INSR: variants seen among roughly 807,000 people sequenced by gnomAD.
INSR encodes IR.
INSR carries 67 observed loss-of-function variants against 142.6 expected under a neutral mutation model. The ratio of observed to expected loss-of-function variants is 0.47; its 90% CI spans 0.39 to 0.58. INSR has a LOEUF of 0.58. Ranked by LOEUF, INSR falls within the 20% of genes least tolerant of loss-of-function variation. INSR has a pLI of 0.00. For missense variants in INSR, 1,248 were observed against 1,833.2 expected (o/e 0.68, Z 5.83); for synonymous variants, 756 against 743.1 (o/e 1.02, Z -0.28).
At chr19:7,118,002 G>A (rs778738675) in intron 21 of INSR, among the ~76,000 whole-genome samples, 75 of 151,840 alleles carry the variant, frequency 4.9e-4, no homozygotes, top group Non-Finnish European at 9.6e-4. Context: ...GAACTCCTGG[G>A]CTCAAGCCAT....
At chr19:7,149,291 T>C (rs73503005) in intron 11 of INSR, among the ~76,000 whole-genome samples, 7,315 of 152,174 alleles carry the variant, frequency 0.048, 523 homozygotes, top group African/African-American at 0.16. Flanking sequence ...GTATTGCAAA[T>C]GGCCACTAGA....
intron 2 of INSR, among the ~76,000 whole-genome samples, chr19:7,204,467 A>C (rs1199722364): frequency 1.3e-5 from 2 of 152,076 alleles, no homozygotes; most frequent in Admixed American, 1.3e-4. Flanking sequence ...CCGTGTATAT[A>C]CCTCAGACAC....
intron 2 of INSR, among the ~76,000 whole-genome samples, chr19:7,219,887 T>C (rs1307021534): frequency 6.8e-6 from 1 of 147,038 alleles, no homozygotes. Flanking sequence ...ACCTGGATTA[T>C]AGCTTCACAG....
At chr19:7,256,638 C>T (rs1021914039) in intron 2 of INSR, among the ~76,000 whole-genome samples, 6 of 150,590 alleles carry the variant, frequency 4.0e-5, no homozygotes, top group Admixed American at 3.3e-4. Flanking sequence ...GTGGTGCGTG[C>T]CTGGAATTCC....
Position 7,293,847 on chromosome 19 carries a change from C to A in INSR, c.45G>T (p.Leu15=). ...CCAGTAGCAGCGCGGCCACCGCCAC[C>A]AGCAGCGGCGCGGCCGCCGCCCCCC... ...GRRGAAAAPL[L]VAVAALLLGA... Residue 15 remains leucine, a synonymous_variant, in exon 1 of 22, where the codon CTG becomes CTT. Transcript: ENST00000302850. The A allele has an allele frequency of 5.5e-6, 7 of 1,276,376 alleles. No homozygotes were observed. Among genetic ancestry groups the A allele is most frequent in the Non-Finnish European group, 6.9e-6 (7 of 1,017,472 alleles). 79.1% of individuals were successfully genotyped at this position (1,276,376 alleles called of 1,614,324 possible). A position where few individuals can be genotyped will look rare whatever the true frequency, so the allele number is the denominator to read the frequency against.
chr19:7,235,576 G>A (rs369482929), intron 2 of INSR, among the ~76,000 whole-genome samples: 6 of 137,440 alleles, frequency 4.4e-5, no homozygotes, highest in African/African-American at 1.4e-4. Context: ...GGGGCCAGGC[G>A]CTGCAGCTCT....
Position 7,213,989 on chromosome 19 carries a change from C to CA in INSR, c.653-29353dup, listed in dbSNP as rs532464276. On this transcript the variant is annotated intron_variant, in intron 2 of 21. Coordinates refer to ENST00000302850, the MANE Select transcript of INSR (RefSeq NM_000208.4). Reference sequence around the variant, plus strand: ...TAGGTGACAGGGCAAGACTTTGTCTCAAAAAAAAAAAGGAAATGGGATACA... The same window carrying CA: ...TAGGTGACAGGGCAAGACTTTGTCTCAAAAAAAAAAAAGGAAATGGGATACA... 4.8e-3 allele frequency among the ~76,000 whole-genome samples: 678 copies of CA among 140,936 alleles called. 3 individuals are homozygous for CA. The highest frequency in any genetic ancestry group is 5.7e-3 in the Non-Finnish European group (370 of 64,648). 92.5% of individuals were successfully genotyped at this position (140,936 alleles called of 152,430 possible). A position where few individuals can be genotyped will look rare whatever the true frequency, so the allele number is the denominator to read the frequency against.
At chr19:7,293,311 A>AAG in intron 1 of INSR, among the ~76,000 whole-genome samples, 1 of 152,188 alleles carries the variant, frequency 6.6e-6, no homozygotes, top group Non-Finnish European at 1.5e-5. Context: ...GGGGCTCTGC[A>AAG]GTCCCTGACC....
intron 2 of INSR, among the ~76,000 whole-genome samples, chr19:7,255,519 T>C (rs1976860439): frequency 6.6e-6 from 1 of 151,386 alleles, no homozygotes; most frequent in Non-Finnish European, 1.5e-5. Flanking sequence ...TTTTTTTTTT[T>C]TCTTGTCTTG....
intron 1 of INSR, among the ~76,000 whole-genome samples, chr19:7,288,324 G>C (rs1222433538): frequency 6.6e-6 from 1 of 152,096 alleles, no homozygotes; most frequent in Admixed American, 6.6e-5. Context: ...AACATAGCTA[G>C]ACTCTGTCTC....
intron 2 of INSR, among the ~76,000 whole-genome samples, chr19:7,219,010 T>C (rs1015709248): frequency 2.0e-5 from 3 of 152,188 alleles, no homozygotes; most frequent in Non-Finnish European, 4.4e-5. Context: ...GGTAACTGAC[T>C]TGTTGGTGGC....
At chr19:7,197,364 G>A (rs1974781132) in intron 2 of INSR, among the ~76,000 whole-genome samples, 1 of 152,252 alleles carries the variant, frequency 6.6e-6, no homozygotes, top group South Asian at 2.1e-4. Context: ...GAGTGGGGAG[G>A]GAGTGAGTCC....
chr19:7,292,943 G>C lies in INSR; in HGVS notation c.100+849C>G, dbSNP rs74549135. ...CAAGGGACAGTAGTCCAGATTCTTG[G>C]GCAGAACGGGACACACAGAGGCTCA... On this transcript the variant is annotated intron_variant, in intron 1 of 21. Transcript: ENST00000302850. 9.6e-3 allele frequency among the ~76,000 whole-genome samples: 1,463 copies of C among 152,172 alleles called. 50 individuals carry two copies. The East Asian group carries it at 0.12, about 12-fold the overall frequency.
intron 2 of INSR, among the ~76,000 whole-genome samples, chr19:7,215,457 AC>A (rs1474114524): frequency 1.4e-5 from 2 of 147,880 alleles, no homozygotes; most frequent in Non-Finnish European, 3.0e-5. Context: ...TCTCGGTTCC[AC>A]TTCAGGATGA....
intron 9 of INSR, among the ~76,000 whole-genome samples, chr19:7,158,958 A>G (rs544550697): frequency 2.0e-5 from 3 of 152,100 alleles, no homozygotes; most frequent in Admixed American, 2.0e-4. Context: ...GCTGGAGTGC[A>G]ATGGCGTGAT....
At position 7,152,794 on chromosome 19, in the gene INSR, C is replaced by T; in HGVS notation, c.2163G>A (p.Lys721=). 1 of 1,613,568 alleles carries T rather than the reference C, an allele frequency of 6.2e-7. No homozygotes were observed. The highest frequency in any genetic ancestry group is 8.5e-7 in the Non-Finnish European group (1 of 1,179,974). Reference sequence around the variant, plus strand: ...TCCTAAACGAGGACTCCTCCAGCTCCTTCAGGATCTGAGAGTCTGTCTTTG... The same window carrying T: ...TCCTAAACGAGGACTCCTCCAGCTCTTTCAGGATCTGAGAGTCTGTCTTTG... The part of the protein sequence containing the change: ...SCPKTDSQIL[K]ELEESSFRKT... Residue 721 remains lysine, a synonymous_variant, in exon 10 of 22, where the codon AAG becomes AAA. Coordinates refer to ENST00000302850, the MANE Select transcript of INSR (RefSeq NM_000208.4).
intron 1 of INSR, 68 bp downstream of exon 1, chr19:7,293,723 AT>A: frequency 1.6e-6 from 2 of 1,224,070 alleles, no homozygotes; most frequent in Non-Finnish European, 2.1e-6. Context: ...CGGGGGCTCG[AT>A]TTTGGCTTGG....
At chr19:7,287,665 T>C (rs1482308009) in intron 1 of INSR, among the ~76,000 whole-genome samples, 1 of 152,174 alleles carries the variant, frequency 6.6e-6, no homozygotes, top group African/African-American at 2.4e-5. Flanking sequence ...TTGGAATCCG[T>C]ATATTCAGTG....
chr19:7,125,643 G>A lies in INSR; in HGVS notation c.3014-116C>T, dbSNP rs1306600973. On this transcript the variant is annotated intron_variant, in intron 16 of 21. Transcript: ENST00000302850. The surrounding 1 kb of genome is among the most constrained non-coding windows in gnomAD (Gnocchi z 4.9). Reference sequence around the variant, plus strand: ...AAAACACTCATGAAATGAGTTCTGTGATCCAGGACCCATGCCGGGCACTGG... The same window carrying A: ...AAAACACTCATGAAATGAGTTCTGTAATCCAGGACCCATGCCGGGCACTGG... 3 of 1,396,294 alleles carry A rather than the reference G, an allele frequency of 2.1e-6. No individual in the cohort carries two copies. In the East Asian group the frequency reaches 6.9e-5, roughly 32 times the overall value. The allele number at this position is 1,396,294 out of a possible 1,614,324, so 86.5% of individuals were successfully genotyped here. A position where few individuals can be genotyped will look rare whatever the true frequency, so the allele number is the denominator to read the frequency against.
Sources: allele counts gnomAD v4.1 joint callset (sites outside exome capture counted in the v4.1 genomes callset), GRCh38; gene constraint gnomAD v4.1.1; non-coding constraint Gnocchi (gnomAD v3.1); transcripts MANE v1.5; gene names NCBI Gene and HGNC (gene_info 2026-07-23, HGNC 2026-07-21).